YARS1: variants seen among roughly 807,000 people sequenced by gnomAD.
YARS1 encodes tyrosine--tRNA ligase, cytoplasmic.
YARS1 carries 36 observed loss-of-function variants against 62.2 expected under a neutral mutation model. The ratio of observed to expected loss-of-function variants is 0.58; its 90% CI spans 0.44 to 0.76. The LOEUF (loss-of-function observed/expected upper bound fraction) is 0.76, where lower values mean the gene tolerates loss of function less well. Ranked by LOEUF, YARS1 falls within the 30% of genes least tolerant of loss-of-function variation. The probability of loss-of-function intolerance (pLI) is 0.00; values close to 1 mark genes in which losing one functional copy is unlikely to be tolerated. For synonymous variants in YARS1, 234 were observed against 244.9 expected (o/e 0.96, Z 0.42); for missense variants, 524 against 639.8 (o/e 0.82, Z 1.95).
At chr1:32,801,949 T>TTC in intron 4 of YARS1, among the ~76,000 whole-genome samples, 1 of 140,056 alleles carries the variant, frequency 7.1e-6, no homozygotes, top group South Asian at 2.4e-4. Context: ...TTTCTTTTTT[T>TTC]TTTTTTTTTT....
At chr1:32,802,293 A>C (rs1249850917) in intron 4 of YARS1, among the ~76,000 whole-genome samples, 1 of 152,090 alleles carries the variant, frequency 6.6e-6, no homozygotes, top group African/African-American at 2.4e-5. Context: ...TCCCTCACTG[A>C]AGTCTTGAAC....
At chr1:32,795,800 C>T (rs1376624184) in intron 5 of YARS1, among the ~76,000 whole-genome samples, 1 of 148,464 alleles carries the variant, frequency 6.7e-6, no homozygotes, top group Non-Finnish European at 1.5e-5. Flanking sequence ...AGCGAGACTC[C>T]CTCTCAAAAA....
intron 4 of YARS1, among the ~76,000 whole-genome samples, chr1:32,799,458 G>A (rs1653705315): frequency 6.6e-6 from 1 of 152,204 alleles, no homozygotes; most frequent in African/African-American, 2.4e-5. Context: ...TATTGTGAAA[G>A]TCTAAGTGAG....
chr1:32,800,015 C>T (rs1250618904), intron 4 of YARS1, among the ~76,000 whole-genome samples: 2 of 152,094 alleles, frequency 1.3e-5, no homozygotes, highest in African/African-American at 4.8e-5. Flanking sequence ...GGGTCTCACT[C>T]TGTCACCCAG....
At chr1:32,805,258 AGAGGGG>A (rs1232971022) in intron 4 of YARS1, among the ~76,000 whole-genome samples, 27 of 110,132 alleles carry the variant, frequency 2.5e-4, no homozygotes, top group South Asian at 1.4e-3. Context: ...GGAGAGGGGG[AGAGGGG>A]GAGAGGGAGA....
chr1:32,809,524 C>T (rs1344356456), intron 3 of YARS1, among the ~76,000 whole-genome samples: 1 of 152,130 alleles, frequency 6.6e-6, no homozygotes, highest in Non-Finnish European at 1.5e-5. Flanking sequence ...ATGTGAGCCA[C>T]CCTGCCCAGC....
chr1:32,803,787 GA>G (rs969755148), intron 4 of YARS1, among the ~76,000 whole-genome samples: 11 of 151,906 alleles, frequency 7.2e-5, no homozygotes, highest in African/African-American at 2.4e-4. Context: ...GTTTCTCGGA[GA>G]GGGGGATTTG....
intron 4 of YARS1, among the ~76,000 whole-genome samples, chr1:32,804,163 C>A (rs1557462054): frequency 6.6e-6 from 1 of 152,266 alleles, no homozygotes; most frequent in Non-Finnish European, 1.5e-5. Flanking sequence ...CAGTAACAAT[C>A]TGATCTCTCT....
intron 10 of YARS1, among the ~76,000 whole-genome samples, 159 bp downstream of exon 10, chr1:32,780,889 G>A (rs148366372): frequency 1.3e-5 from 2 of 152,194 alleles, no homozygotes; most frequent in African/African-American, 2.4e-5. Context: ...GGCAACAATC[G>A]CAACAGAAAG....
intron 12 of YARS1, among the ~76,000 whole-genome samples, chr1:32,777,833 A>G (rs1441891275): frequency 2.6e-5 from 4 of 152,128 alleles, no homozygotes; most frequent in African/African-American, 9.7e-5. Flanking sequence ...TATGACTTAA[A>G]CCATAAACGT....
At chr1:32,785,336 C>A (rs1005331133) in intron 8 of YARS1, among the ~76,000 whole-genome samples, 11 of 151,844 alleles carry the variant, frequency 7.2e-5, no homozygotes. Flanking sequence ...TGGTGGGCAC[C>A]TGTAATCCCG....
chr1:32,785,776 G>A (rs1653205765), intron 8 of YARS1, among the ~76,000 whole-genome samples: 2 of 151,718 alleles, frequency 1.3e-5, no homozygotes, highest in Admixed American at 1.3e-4. Flanking sequence ...TAGAGATGGG[G>A]TTTCTCCGTG....
intron 4 of YARS1, among the ~76,000 whole-genome samples, chr1:32,799,132 T>C (rs972112092): frequency 1.2e-4 from 18 of 152,178 alleles, no homozygotes; most frequent in Non-Finnish European, 2.4e-4. Context: ...TTGAACAACA[T>C]ATAGATGTTT....
chr1:32,804,489 A>G (rs1447705888), intron 4 of YARS1, among the ~76,000 whole-genome samples: 27 of 145,834 alleles, frequency 1.9e-4, no homozygotes, highest in Non-Finnish European at 3.6e-4. Flanking sequence ...GGCGGCTGCC[A>G]GGCGGAGGGG....
chr1:32,780,264 G>C lies in YARS1; in HGVS notation c.1155C>G (p.Asp385Glu). 1 of 1,614,158 alleles carries C rather than the reference G, an allele frequency of 6.2e-7. No individual in the cohort carries two copies. The highest frequency in any genetic ancestry group is 2.2e-5 in the East Asian group (1 of 44,890). Residue 385 changes from aspartate to glutamate, a missense_variant, in exon 11 of 13, where the codon GAC (aspartate) becomes GAG (glutamate). By Grantham distance (45) the Asp-to-Glu change is conservative. Transcript: ENST00000373477. ...CGTCAATCTTCTCTACATACAGGCTGTCTGCATCTGGGTGCTGCCAGGGAG... is the reference window on the plus strand; with the variant it reads ...CGTCAATCTTCTCTACATACAGGCTCTCTGCATCTGGGTGCTGCCAGGGAG... ...IITVEKHPDA[D>E]SLYVEKIDVG... is the part of the protein sequence containing the mutation.
At chr1:32,795,105 G>A (rs1457815483) in intron 5 of YARS1, among the ~76,000 whole-genome samples, 1 of 151,680 alleles carries the variant, frequency 6.6e-6, no homozygotes, top group Non-Finnish European at 1.5e-5. Context: ...GGATCATGAG[G>A]TCAGGAGACC....
At chr1:32,797,911 C>T in intron 4 of YARS1, 68 bp from the exon 5 acceptor site, 2 of 1,435,832 alleles carry the variant, frequency 1.4e-6, no homozygotes, top group Non-Finnish European at 1.9e-6. Flanking sequence ...CGCTCTGTCG[C>T]CCAGGCTGGA....
At chr1:32,800,986 G>C (rs764665331) in intron 4 of YARS1, among the ~76,000 whole-genome samples, 10 of 152,082 alleles carry the variant, frequency 6.6e-5, no homozygotes, top group Non-Finnish European at 1.3e-4. Flanking sequence ...ATAGGATCAT[G>C]CTCAAATTTA....
chr1:32,791,539 C>CACCTGTAA (rs1653412312), intron 5 of YARS1, among the ~76,000 whole-genome samples: 2 of 152,166 alleles, frequency 1.3e-5, no homozygotes, highest in Non-Finnish European at 2.9e-5. Context: ...TGGTGGCTCA[C>CACCTGTAA]ACCTGTAATC....
Sources: gnomAD v4.1 joint callset for allele counts (sites outside exome capture counted in the v4.1 genomes callset) on GRCh38, gnomAD v4.1.1 for gene constraint, MANE v1.5 for transcripts, NCBI Gene and HGNC (gene_info 2026-07-23, HGNC 2026-07-21) for gene names.